Variants in ERAP2 observed in about 807,000 individuals in gnomAD.
The protein encoded by ERAP2 is leukocyte-derived arginine aminopeptidase.
ERAP2 carries 118 observed loss-of-function variants against 111.1 expected under a neutral mutation model. That is an observed-to-expected ratio of 1.06 (90% CI 0.92 to 1.24). The LOEUF (loss-of-function observed/expected upper bound fraction) is 1.24. Ranked by LOEUF, ERAP2 falls within the 50% of genes most tolerant of loss-of-function variation. ERAP2 has a pLI of 0.00. For synonymous variants in ERAP2, 410 were observed against 401.2 expected, an observed-to-expected ratio of 1.02 and a Z score of -0.26; for missense variants, 1,131 against 1,125.8, an observed-to-expected ratio of 1.00 and a Z score of -0.07.
At chr5:96,889,413 G>A in intron 5 of ERAP2, 108 bp downstream of exon 5, 1 of 1,244,386 alleles carries the variant, frequency 8.0e-7, no homozygotes, top group Non-Finnish European at 1.2e-6. Context: ...GAGGAATTCA[G>A]TTAGCTCAGG....
intron 2 of ERAP2, among the ~76,000 whole-genome samples, chr5:96,880,569 C>A (rs748031010): frequency 6.6e-6 from 1 of 152,078 alleles, no homozygotes. Context: ...ATAGGGAATG[C>A]TTCTCAAAGG....
chr5:96,909,860 G>A lies in ERAP2; in HGVS notation c.2354+96G>A, dbSNP rs1195567474. ...ATTAGGTCTAAAACCTTTTAGTGAG[G>A]ATAGAAAAAAAAACATGCTGGGCAT... On this transcript the variant is annotated intron_variant, in intron 15 of 18. Transcript: ENST00000437043. 3.2e-6 allele frequency: 4 copies of A among 1,258,378 alleles called. No homozygotes were observed. In the African/African-American group the frequency reaches 4.6e-5, roughly 14 times the overall value. 78.0% of individuals were successfully genotyped at this position (1,258,378 alleles called of 1,614,324 possible). A position where few individuals can be genotyped will look rare whatever the true frequency, so the allele number is the denominator to read the frequency against.
intron 4 of ERAP2, among the ~76,000 whole-genome samples, chr5:96,887,098 T>TAC (rs1412685387): frequency 8.0e-5 from 8 of 99,716 alleles, no homozygotes; most frequent in East Asian, 6.1e-4. Context: ...TATATATATA[T>TAC]ATACACACAC....
At chr5:96,895,412 C>A in intron 7 of ERAP2, 53 bp downstream of exon 7, 1 of 1,232,100 alleles carries the variant, frequency 8.1e-7, no homozygotes, top group South Asian at 1.3e-5. Context: ...ATCATCAATT[C>A]ACTATTAAAA....
At chr5:96,912,039 A>T (rs1328719163) in intron 15 of ERAP2, among the ~76,000 whole-genome samples, 1 of 150,904 alleles carries the variant, frequency 6.6e-6, no homozygotes, top group Admixed American at 6.6e-5. Flanking sequence ...AATACAAAAA[A>T]ATTAGCCGGG....
At chr5:96,889,590 C>G in intron 5 of ERAP2, 3 of 668,774 alleles carry the variant, frequency 4.5e-6, no homozygotes, top group South Asian at 3.6e-5. Flanking sequence ...ACACTGGAGG[C>G]TGGGACGGAA....
Position 96,903,564 on chromosome 5 carries a change from A to T in ERAP2, c.2012+4A>T. ...ATGATGTGTTTCAGCTAGTTGGGTA[A>T]GGCAACATTTCCTCTGACTTCATGC... is the stretch of plus-strand genomic sequence containing the variant. On this transcript the variant is annotated splice_donor_region_variant and intron_variant, in intron 13 of 18. Coordinates refer to ENST00000437043, the MANE Select transcript of ERAP2 (RefSeq NM_022350.5). 5 of 1,588,514 alleles carry T rather than the reference A, an allele frequency of 3.1e-6. No homozygotes were observed. The highest frequency in any genetic ancestry group is 2.3e-5 in the South Asian group (2 of 86,634).
intron 2 of ERAP2, chr5:96,881,502 G>A: frequency 2.2e-6 from 1 of 456,062 alleles, no homozygotes; most frequent in Non-Finnish European, 4.4e-6. Flanking sequence ...CTGGCTCAGT[G>A]CACTCTCACG....
At chr5:96,899,273 C>G (rs1180217805) in intron 9 of ERAP2, among the ~76,000 whole-genome samples, 1 of 152,114 alleles carries the variant, frequency 6.6e-6, no homozygotes, top group Non-Finnish European at 1.5e-5. Context: ...CAGCTAGTTC[C>G]TAGTTTTAAG....
chr5:96,891,537 CACACA>C (rs1784390890), intron 5 of ERAP2, among the ~76,000 whole-genome samples: 1 of 20,928 alleles, frequency 4.8e-5, no homozygotes, highest in Non-Finnish European at 9.0e-5. Context: ...GGTATATATA[CACACA>C]CACACACACA....
chr5:96,878,084 A>C lies in ERAP2; in HGVS notation c.-122-1480A>C, dbSNP rs530853101. 2.4e-4 allele frequency among the ~76,000 whole-genome samples: 36 copies of C among 152,282 alleles called. No individual in the cohort carries two copies. In the South Asian group the frequency reaches 2.5e-3, roughly 11 times the overall value. Reference sequence around the variant, plus strand: ...AGTAAGAATTGATTCCCCCAAATTAACTATGCTGTTTGTCCTAATTTTATA... The same window carrying C: ...AGTAAGAATTGATTCCCCCAAATTACCTATGCTGTTTGTCCTAATTTTATA... On this transcript the variant is annotated intron_variant, in intron 1 of 18. Transcript: ENST00000437043.
chr5:96,886,823 GA>G, intron 4 of ERAP2, 34 bp downstream of exon 4: 1 of 1,376,038 alleles, frequency 7.3e-7, no homozygotes, highest in Non-Finnish European at 9.5e-7. Flanking sequence ...ACGCAGTGCA[GA>G]AAAGTGTCCT....
intron 9 of ERAP2, among the ~76,000 whole-genome samples, chr5:96,898,650 G>A (rs892078410): frequency 6.6e-6 from 1 of 151,664 alleles, no homozygotes; most frequent in African/African-American, 2.4e-5. Flanking sequence ...TGAGGCAGGA[G>A]AATCACTTGA....
At chr5:96,914,881 A>G (rs114424613) in intron 17 of ERAP2, among the ~76,000 whole-genome samples, 6,146 of 152,238 alleles carry the variant, frequency 0.04, 210 homozygotes, top group Middle Eastern at 0.12. Flanking sequence ...TCTAATTTTA[A>G]ATTTTATATT....
At chr5:96,900,843 ATT>A (rs1254892231) in intron 10 of ERAP2, among the ~76,000 whole-genome samples, 1 of 151,914 alleles carries the variant, frequency 6.6e-6, no homozygotes, top group African/African-American at 2.4e-5. Flanking sequence ...TGCCCGGCTA[ATT>A]TTTTTGTATT....
chr5:96,896,556 G>A (rs1199141861), intron 8 of ERAP2, 52 bp downstream of exon 8: 6 of 1,587,490 alleles, frequency 3.8e-6, no homozygotes, highest in Non-Finnish European at 5.2e-6. Flanking sequence ...GTGTAATAAT[G>A]ACTATAGAAT....
intron 13 of ERAP2, 151 bp downstream of exon 13, chr5:96,903,711 C>T: frequency 1.6e-6 from 1 of 624,132 alleles, no homozygotes; most frequent in Non-Finnish European, 2.6e-6. Flanking sequence ...AGACTACCCA[C>T]TAATAACGTA....
At position 96,903,539 on chromosome 5, in the gene ERAP2, A is replaced by G. The variant is rs1352312342; in HGVS notation, c.1991A>G (p.His664Arg). ...LRPKDRVGLI[H>R]DVFQLVGAGR... ...CCTAAGGACAGAGTAGGTCTGATTC[A>G]TGATGTGTTTCAGCTAGTTGGGTAA... Residue 664 changes from histidine to arginine, a missense_variant, in exon 13 of 19, where the codon CAT becomes CGT. His to Arg is a conservative substitution (Grantham distance 29, BLOSUM62 0). Around this residue, in one of 3 missense-constraint regions of ERAP2, gnomAD observed 847 missense variants for 856.5 expected, o/e 0.99. Coordinates refer to ENST00000437043, the MANE Select transcript of ERAP2 (RefSeq NM_022350.5). 1 of 1,605,250 alleles carries G rather than the reference A, an allele frequency of 6.2e-7. No individual in the cohort carries two copies. Among genetic ancestry groups the G allele is most frequent in the Admixed American group, 1.7e-5 (1 of 57,240 alleles).
rs778503371 is a variant in ERAP2 at position 96,918,459 on chromosome 5, G to T, written c.*854G>T. Reference sequence around the variant, plus strand: ...CTAGGTGTCAGGGTTTATCAAGAAGGCCAGGAAGGCCTTTTGGGTTAAGCC... The same window carrying T: ...CTAGGTGTCAGGGTTTATCAAGAAGTCCAGGAAGGCCTTTTGGGTTAAGCC... On this transcript the variant is annotated 3_prime_UTR_variant, in exon 19 of 19. Transcript: ENST00000437043. The T allele has an allele frequency of 6.6e-6, 1 of 152,184 alleles. No individual in the cohort carries two copies. Among genetic ancestry groups the T allele is most frequent in the African/African-American group, 2.4e-5 (1 of 41,456 alleles). The allele number at this position is 152,184 out of a possible 1,614,324, so 9.4% of individuals were successfully genotyped here.
Sources: allele counts gnomAD v4.1 joint callset (sites outside exome capture counted in the v4.1 genomes callset), GRCh38; gene constraint gnomAD v4.1.1; regional missense constraint gnomAD v4.1.1; transcripts MANE v1.5; gene names NCBI Gene and HGNC (gene_info 2026-07-23, HGNC 2026-07-21).